The following ERBB4 variants were observed in gnomAD, a reference collection of about 807,000 sequenced individuals.
The protein encoded by ERBB4 is erb-b2 receptor tyrosine kinase 4.
In ERBB4, 42 loss-of-function variants were observed where a neutral mutation model predicts 158.0. The ratio of observed to expected loss-of-function variants is 0.27; its 90% CI spans 0.21 to 0.34. ERBB4 has a LOEUF of 0.34. Among genes scored for constraint, ERBB4 ranks in the 10% least tolerant of loss-of-function variants. The pLI is 1.00. For missense variants in ERBB4, 1,333 were observed against 1,624.1 expected (o/e 0.82, Z 3.08); for synonymous variants, 583 against 558.7 (o/e 1.04, Z -0.61).
chr2:211,944,529 C>A (rs1293655431), intron 3 of ERBB4, among the ~76,000 whole-genome samples: 2 of 151,490 alleles, frequency 1.3e-5, no homozygotes, highest in South Asian at 4.1e-4. Flanking sequence ...CATTTTCACC[C>A]GAACATGCAG....
rs370774659 is a variant in ERBB4 at position 212,061,809 on chromosome 2, C to A, written c.234+62943G>T. Among the ~76,000 whole-genome samples the A allele has an allele frequency of 8.3e-4, 124 of 150,292 alleles. 2 individuals are homozygous for A. The highest frequency in any genetic ancestry group is 2.9e-3 in the African/African-American group (117 of 40,952). On this transcript the variant is annotated intron_variant, in intron 2 of 27. Transcript: ENST00000342788. ...GGAGTGTAATGGTGTGATCTCAGCT[C>A]ACCACAAACTCCACCTCCTGGGTTC... is the stretch of plus-strand genomic sequence containing the variant.
intron 20 of ERBB4, among the ~76,000 whole-genome samples, chr2:211,536,546 G>T (rs2066659548): frequency 6.6e-6 from 1 of 151,898 alleles, no homozygotes; most frequent in Admixed American, 6.6e-5. Context: ...CGAATGATTG[G>T]GCAGTGTGGG....
chr2:212,300,477 G>A (rs2086578782), intron 1 of ERBB4, among the ~76,000 whole-genome samples: 1 of 151,514 alleles, frequency 6.6e-6, no homozygotes. Context: ...AAGTAGAGTA[G>A]TACGTCTGAA....
chr2:212,410,536 G>A (rs977847322), intron 1 of ERBB4, among the ~76,000 whole-genome samples: 1 of 151,928 alleles, frequency 6.6e-6, no homozygotes, highest in African/African-American at 2.4e-5. Context: ...TTTAAATTAT[G>A]CATAAGGTTT....
intron 8 of ERBB4, among the ~76,000 whole-genome samples, chr2:211,713,331 T>C (rs561453356): frequency 6.6e-6 from 1 of 152,268 alleles, no homozygotes; most frequent in East Asian, 1.9e-4. Context: ...TTCTGGGCCA[T>C]TTTAGTAGAT....
intron 2 of ERBB4, among the ~76,000 whole-genome samples, chr2:211,965,137 G>A (rs897539820): frequency 3.3e-5 from 5 of 152,104 alleles, no homozygotes; most frequent in Admixed American, 2.0e-4. Context: ...TGTTGACAGC[G>A]TCGTATCATG....
chr2:212,051,819 C>T (rs1281647889), intron 2 of ERBB4, among the ~76,000 whole-genome samples: 1 of 151,982 alleles, frequency 6.6e-6, no homozygotes. Context: ...AATATGATTA[C>T]CTCTCAGGAT....
In ERBB4 at chr2:211,379,933, TCA is replaced by T; in HGVS notation, c.*3680_*3681del. The T allele has an allele frequency of 4.3e-6, 1 of 232,126 alleles. No homozygotes were observed. 14.4% of individuals were successfully genotyped at this position (232,126 alleles called of 1,614,324 possible). A position where few individuals can be genotyped will look rare whatever the true frequency, so the allele number is the denominator to read the frequency against. On this transcript the variant is annotated 3_prime_UTR_variant, in exon 28 of 28. Coordinates refer to ENST00000342788, the MANE Select transcript of ERBB4 (RefSeq NM_005235.3). ...TCCAACTTCATCTAGTAGCAGAGCCTCACACAGTCCTTTTCTTGATTTTTCCT... is the reference window on the plus strand; with the variant it reads ...TCCAACTTCATCTAGTAGCAGAGCCTCACAGTCCTTTTCTTGATTTTTCCT...
intron 5 of ERBB4, among the ~76,000 whole-genome samples, chr2:211,729,614 A>T (rs1188497447): frequency 2.0e-5 from 3 of 151,890 alleles, no homozygotes; most frequent in African/African-American, 7.2e-5. Flanking sequence ...GAGTAAATTT[A>T]TTTAGTAGCA....
intron 27 of ERBB4, 70 bp downstream of exon 27, chr2:211,386,783 T>A (rs781683556): frequency 1.3e-6 from 2 of 1,521,218 alleles, no homozygotes. Flanking sequence ...GCAATTTCTA[T>A]TCTGTACTTT....
intron 1 of ERBB4, among the ~76,000 whole-genome samples, chr2:212,259,283 T>C (rs1000838934): frequency 1.3e-5 from 2 of 152,170 alleles, no homozygotes; most frequent in Admixed American, 6.6e-5. Flanking sequence ...ATCTCATAAA[T>C]TATACTTTAA....
At chr2:212,402,199 C>A (rs2091226842) in intron 1 of ERBB4, among the ~76,000 whole-genome samples, 1 of 151,968 alleles carries the variant, frequency 6.6e-6, no homozygotes, top group Admixed American at 6.6e-5. Flanking sequence ...TGTGTTGTTA[C>A]ACATATAACC....
chr2:211,691,685 CAGA>C (rs2072827306), intron 12 of ERBB4, among the ~76,000 whole-genome samples: 1 of 151,158 alleles, frequency 6.6e-6, no homozygotes, highest in Non-Finnish European at 1.5e-5. Flanking sequence ...GGTCAGCCCA[CAGA>C]AGAAGGGACA....
chr2:212,090,130 TC>T (rs757245893), intron 2 of ERBB4, among the ~76,000 whole-genome samples: 26 of 152,300 alleles, frequency 1.7e-4, no homozygotes, highest in South Asian at 1.0e-3. Flanking sequence ...CATGGTCTGC[TC>T]AACAGACACT....
At chr2:212,496,197 G>T (rs1361037764) in intron 1 of ERBB4, among the ~76,000 whole-genome samples, 2 of 150,580 alleles carry the variant, frequency 1.3e-5, no homozygotes, top group Non-Finnish European at 3.0e-5. Context: ...ATTTTAGGAT[G>T]AAAAATTTTC....
At chr2:212,074,991 T>G (rs1165408905) in intron 2 of ERBB4, among the ~76,000 whole-genome samples, 1 of 151,936 alleles carries the variant, frequency 6.6e-6, no homozygotes, top group African/African-American at 2.4e-5. Context: ...TTTGTTCAAG[T>G]TCCTAGCTAA....
chr2:211,428,036 C>T (rs1250580345), intron 22 of ERBB4, among the ~76,000 whole-genome samples: 1 of 150,996 alleles, frequency 6.6e-6, no homozygotes, highest in Non-Finnish European at 1.5e-5. Context: ...AGGAGAACAT[C>T]ACACATCGGG....
rs188676745 is a variant in ERBB4 at position 211,379,446 on chromosome 2, A to C, written c.*4169T>G. 118 of 230,198 alleles carry C rather than the reference A, an allele frequency of 5.1e-4. No individual in the cohort carries two copies. The highest frequency in any genetic ancestry group is 1.5e-4 in the Non-Finnish European group (17 of 116,142). 14.3% of individuals were successfully genotyped at this position (230,198 alleles called of 1,614,324 possible). On this transcript the variant is annotated 3_prime_UTR_variant, in exon 28 of 28. Transcript: ENST00000342788. ...TTGTTCATTGTAATGCTTTAAAGCAAGTTTTCCCAAGTGGAACCATATATG... is the reference window on the plus strand; with the variant it reads ...TTGTTCATTGTAATGCTTTAAAGCACGTTTTCCCAAGTGGAACCATATATG...
At chr2:212,467,877 T>A (rs1289404522) in intron 1 of ERBB4, among the ~76,000 whole-genome samples, 1 of 152,168 alleles carries the variant, frequency 6.6e-6, no homozygotes, top group Non-Finnish European at 1.5e-5. Context: ...GGAGGCTGTA[T>A]CCTGCAAAGC....
Sources: allele counts gnomAD v4.1 joint callset (sites outside exome capture counted in the v4.1 genomes callset), GRCh38; gene constraint gnomAD v4.1.1; transcripts MANE v1.5; gene names NCBI Gene and HGNC (gene_info 2026-07-23, HGNC 2026-07-21).